Variants in LOXHD1 observed in about 807,000 individuals in gnomAD.
LOXHD1 encodes lipoxygenase homology PLAT domains 1.
LOXHD1 carries 205 observed loss-of-function variants against 248.2 expected under a neutral mutation model. That is an observed-to-expected ratio of 0.83 (90% CI 0.74 to 0.93). LOXHD1 has a LOEUF of 0.93. LOXHD1 is among the 40% of genes least tolerant of loss of function. LOXHD1 has a pLI of 0.00. For synonymous variants in LOXHD1, 1,113 were observed against 1,162.8 expected, an observed-to-expected ratio of 0.96 and a Z score of 0.87; for missense variants, 2,930 against 2,971.6, an observed-to-expected ratio of 0.99 and a Z score of 0.33.
At chr18:46,617,659 A>C (rs1217340421) in intron 5 of LOXHD1, among the ~76,000 whole-genome samples, 1 of 152,132 alleles carries the variant, frequency 6.6e-6, no homozygotes, top group Admixed American at 6.6e-5. Flanking sequence ...AATTGGCAGA[A>C]GCAGAAGAGA....
chr18:46,511,541 G>A (rs1387637691), intron 34 of LOXHD1, among the ~76,000 whole-genome samples: 1 of 152,192 alleles, frequency 6.6e-6, no homozygotes, highest in Non-Finnish European at 1.5e-5. Context: ...CCTTAGGGAG[G>A]GCCCAGCAAC....
intron 37 of LOXHD1, among the ~76,000 whole-genome samples, chr18:46,499,185 G>A (rs2143788427): frequency 6.6e-6 from 1 of 152,344 alleles, no homozygotes; most frequent in Non-Finnish European, 1.5e-5. Context: ...TGTTGTGAGT[G>A]CTAGATATAG....
chr18:46,615,239 A>T (rs938133589), intron 5 of LOXHD1, among the ~76,000 whole-genome samples: 1 of 152,214 alleles, frequency 6.6e-6, no homozygotes, highest in Non-Finnish European at 1.5e-5. Context: ...GAAAGAGGCT[A>T]GCCTTCTCCA....
chr18:46,606,330 C>T (rs1407215284), intron 6 of LOXHD1, among the ~76,000 whole-genome samples: 1 of 140,764 alleles, frequency 7.1e-6, no homozygotes, highest in African/African-American at 2.5e-5. Flanking sequence ...TAATAGTATA[C>T]TGTATATATA....
intron 1 of LOXHD1, among the ~76,000 whole-genome samples, chr18:46,655,283 C>T (rs2039165511): frequency 6.6e-6 from 1 of 152,188 alleles, no homozygotes; most frequent in South Asian, 2.1e-4. Flanking sequence ...ATCCGCCTGC[C>T]TTGACTGTGC....
intron 34 of LOXHD1, among the ~76,000 whole-genome samples, chr18:46,517,371 C>T (rs574713051): frequency 2.0e-4 from 30 of 152,110 alleles, no homozygotes; most frequent in Non-Finnish European, 3.5e-4. Context: ...CACAGCTTAA[C>T]GGCCATGGGA....
At chr18:46,593,462 A>C in intron 10 of LOXHD1, 138 bp downstream of exon 10, 1 of 877,112 alleles carries the variant, frequency 1.1e-6, no homozygotes. Flanking sequence ...CTCCCTTTGC[A>C]GGGACCTAAA....
At position 46,625,243 on chromosome 18, in the gene LOXHD1, G is replaced by A. The variant is rs562611258; in HGVS notation, c.512-6953C>T. Reference sequence around the variant, plus strand: ...CACACGGCCCCATTCCACAGCTCCCGGTGTGTGCGTTGTTCCTTTAGCAAC... The same window carrying A: ...CACACGGCCCCATTCCACAGCTCCCAGTGTGTGCGTTGTTCCTTTAGCAAC... On this transcript the variant is annotated intron_variant, in intron 4 of 40. Coordinates refer to ENST00000642948, the MANE Select transcript of LOXHD1 (RefSeq NM_001384474.1). 6.6e-5 allele frequency among the ~76,000 whole-genome samples: 10 copies of A among 152,246 alleles called. No individual in the cohort carries two copies. The East Asian group carries it at 7.7e-4, about 12-fold the overall frequency.
chr18:46,476,964 G>A (rs2032056850), downstream of LOXHD1: 1 of 576,766 alleles, frequency 1.7e-6, no homozygotes, highest in Non-Finnish European at 3.1e-6. Context: ...TTCTTCCTGA[G>A]GTTTTTCTCC....
At chr18:46,549,033 T>A (rs2036971153) in intron 21 of LOXHD1, among the ~76,000 whole-genome samples, 2 of 152,212 alleles carry the variant, frequency 1.3e-5, no homozygotes, top group South Asian at 4.1e-4. Context: ...GTTCAGCTTC[T>A]ATCCCCACAG....
At chr18:46,571,681 C>T (rs891142355) in intron 15 of LOXHD1, among the ~76,000 whole-genome samples, 2 of 152,164 alleles carry the variant, frequency 1.3e-5, no homozygotes, top group African/African-American at 4.8e-5. Context: ...CATGATCAAA[C>T]CAAAGCAATG....
chr18:46,597,831 A>G (rs1024594100), intron 8 of LOXHD1, among the ~76,000 whole-genome samples: 18 of 150,814 alleles, frequency 1.2e-4, no homozygotes, highest in African/African-American at 3.7e-4. Context: ...ATCTCAGCGC[A>G]CTGCAAGCTC....
chr18:46,623,335 C>T (rs1320735889), intron 4 of LOXHD1, among the ~76,000 whole-genome samples: 4 of 152,190 alleles, frequency 2.6e-5, no homozygotes, highest in African/African-American at 4.8e-5. Flanking sequence ...ATAGTCACCT[C>T]CTTCCACTAA....
intron 25 of LOXHD1, among the ~76,000 whole-genome samples, chr18:46,539,976 G>C (rs1466540628): frequency 6.6e-6 from 1 of 152,096 alleles, no homozygotes; most frequent in East Asian, 1.9e-4. Flanking sequence ...CTTTGCTGTA[G>C]GGCTGTAGTA....
At chr18:46,647,134 G>A (rs539999420) in intron 2 of LOXHD1, among the ~76,000 whole-genome samples, 2 of 152,196 alleles carry the variant, frequency 1.3e-5, no homozygotes, top group Non-Finnish European at 2.9e-5. Flanking sequence ...TGGGGTAATT[G>A]GGGAGGGTTG....
At chr18:46,544,761 TGTTGTA>T in intron 23 of LOXHD1, 1 of 469,108 alleles carries the variant, frequency 2.1e-6, no homozygotes, top group Non-Finnish European at 4.4e-6. Flanking sequence ...ACCAGCACAT[TGTTGTA>T]GTAGATATGA....
chr18:46,578,009 C>T, intron 13 of LOXHD1, 142 bp from the exon 14 acceptor site: 2 of 809,600 alleles, frequency 2.5e-6, no homozygotes, highest in Non-Finnish European at 3.9e-6. Flanking sequence ...ACAGGAGCTA[C>T]CTATAAAGCA....
chr18:46,587,863 T>C (rs1364187858), intron 12 of LOXHD1, among the ~76,000 whole-genome samples: 1 of 152,144 alleles, frequency 6.6e-6, no homozygotes, highest in Non-Finnish European at 1.5e-5. Flanking sequence ...GTATTGTCCA[T>C]ATCTCCCAGT....
At chr18:46,615,868 ATGT>A (rs2038578946) in intron 5 of LOXHD1, among the ~76,000 whole-genome samples, 1 of 152,198 alleles carries the variant, frequency 6.6e-6, no homozygotes, top group Non-Finnish European at 1.5e-5. Context: ...TCTTGGGAAT[ATGT>A]TGTTAAGTTT....
Sources: allele counts gnomAD v4.1 joint callset (sites outside exome capture counted in the v4.1 genomes callset), GRCh38; gene constraint gnomAD v4.1.1; transcripts MANE v1.5; gene names NCBI Gene and HGNC (gene_info 2026-07-23, HGNC 2026-07-21).